Variants in SDHA observed in about 807,000 individuals in gnomAD.
SDHA encodes succinate dehydrogenase complex flavoprotein subunit A, also known as succinate dehydrogenase [ubiquinone] flavoprotein subunit, mitochondrial.
A neutral mutation model predicts 78.4 loss-of-function variants in SDHA; 48 were observed. The ratio of observed to expected loss-of-function variants is 0.61; its 90% CI spans 0.49 to 0.78. The LOEUF is 0.78. Ranked by LOEUF, SDHA falls within the 30% of genes least tolerant of loss-of-function variation. The pLI, the probability that SDHA is intolerant of heterozygous loss-of-function variation, is 0.00. For missense variants in SDHA, 680 were observed against 892.7 expected (o/e 0.76, Z 3.04); for synonymous variants, 326 against 353.9 (o/e 0.92, Z 0.88).
In SDHA at chr5:232,245, C is replaced by G. The variant is rs553847856; in HGVS notation, c.896-1232C>G. Among the ~76,000 whole-genome samples the G allele has an allele frequency of 9.5e-4, 145 of 152,138 alleles. 1 individual carries two copies. The highest frequency in any genetic ancestry group is 3.4e-3 in the African/African-American group (140 of 41,510). ...ATTTGTTTCGAGATGGGGTCTTGCTCTGTTGCTCAGGCTGGAGTGCAGTGG... is the reference window on the plus strand; with the variant it reads ...ATTTGTTTCGAGATGGGGTCTTGCTGTGTTGCTCAGGCTGGAGTGCAGTGG... On this transcript the variant is annotated intron_variant, in intron 7 of 14. Transcript: ENST00000264932.
chr5:238,786 C>T (rs182797166), intron 10 of SDHA, among the ~76,000 whole-genome samples: 1 of 152,154 alleles, frequency 6.6e-6, no homozygotes, highest in Non-Finnish European at 1.5e-5. Flanking sequence ...TGGTGAAACC[C>T]CGTCTCTACC....
intron 3 of SDHA, among the ~76,000 whole-genome samples, 194 bp from the exon 4 acceptor site, chr5:225,225 C>T (rs1734936994): frequency 1.3e-5 from 2 of 152,252 alleles, no homozygotes; most frequent in South Asian, 2.1e-4. Flanking sequence ...GATGGAATCA[C>T]TGGGCGAGTC....
At chr5:235,654 G>A in intron 9 of SDHA, 3 of 394,022 alleles carry the variant, frequency 7.6e-6, no homozygotes, top group African/African-American at 2.1e-5. Context: ...ATTCCTTTGA[G>A]TGGTTTGTGG....
downstream of SDHA, among the ~76,000 whole-genome samples, chr5:259,950 G>A (rs535924175): frequency 0.4 from 3,226 of 8,146 alleles, 176 homozygotes; most frequent in East Asian, 0.53. Flanking sequence ...TCCGCCTCCC[G>A]CCAGAGCATT....
At chr5:231,695 G>A (rs373533566) in intron 7 of SDHA, among the ~76,000 whole-genome samples, 31 of 152,250 alleles carry the variant, frequency 2.0e-4, no homozygotes, top group African/African-American at 6.5e-4. Context: ...GGTCTCCACC[G>A]GGGTTTACTG....
Position 235,575 on chromosome 5 carries a change from G to A in SDHA, c.1260+236G>A, listed in dbSNP as rs575584141. On this transcript the variant is annotated intron_variant, in intron 9 of 14. Transcript: ENST00000264932. ...CATCATTTGCAGCTTTTTCCATTTT[G>A]TAATTACTTTCCTATATGATCTTGT... 1.0e-4 allele frequency: 60 copies of A among 572,498 alleles called. No individual in the cohort carries two copies. The South Asian group carries it at 1.2e-3, about 11-fold the overall frequency. The allele number at this position is 572,498 out of a possible 1,614,324, so 35.5% of individuals were successfully genotyped here.
intron 4 of SDHA, 148 bp downstream of exon 4, chr5:225,710 A>G: frequency 3.7e-6 from 5 of 1,344,032 alleles, no homozygotes; most frequent in Non-Finnish European, 5.3e-6. Context: ...TCCGTTATGA[A>G]CTATGCATTA....
At chr5:222,700 G>A (rs1734789128) in intron 1 of SDHA, among the ~76,000 whole-genome samples, 1 of 152,190 alleles carries the variant, frequency 6.6e-6, no homozygotes, top group African/African-American at 2.4e-5. Context: ...AATGTAGCCA[G>A]CAGAATGGAA....
At chr5:224,061 C>T (rs1410589825) in intron 2 of SDHA, among the ~76,000 whole-genome samples, 2 of 152,182 alleles carry the variant, frequency 1.3e-5, no homozygotes, top group Non-Finnish European at 2.9e-5. Context: ...CTGAATACTC[C>T]TTGGCACCTT....
At chr5:261,839 T>A (rs1338568740), downstream of SDHA, among the ~76,000 whole-genome samples, 7 of 7,282 alleles carry the variant, frequency 9.6e-4, 3 homozygotes, top group African/African-American at 5.3e-3. Flanking sequence ...CGCCCTCCCG[T>A]CAGAGCATTA....
chr5:255,367 T>C (rs1250569506), intron 14 of SDHA, among the ~76,000 whole-genome samples: 1 of 152,000 alleles, frequency 6.6e-6, no homozygotes, highest in Non-Finnish European at 1.5e-5. Context: ...GGACTTCTCA[T>C]GAAGGCCATT....
At chr5:264,815 A>G in the SDHA span, among the ~76,000 whole-genome samples, 1 of 152,250 alleles carries the variant, frequency 6.6e-6, no homozygotes, top group Non-Finnish European at 1.5e-5. Context: ...CCTAAATTTC[A>G]ATCAATCATC....
chr5:245,379 G>A (rs1274453515), intron 11 of SDHA, among the ~76,000 whole-genome samples: 4 of 152,118 alleles, frequency 2.6e-5, no homozygotes, highest in African/African-American at 9.7e-5. Flanking sequence ...ACTGTGAACG[G>A]TTTGCATTTA....
intron 7 of SDHA, among the ~76,000 whole-genome samples, chr5:232,411 G>C (rs2126573745): frequency 6.6e-6 from 1 of 152,260 alleles, no homozygotes; most frequent in Non-Finnish European, 1.5e-5. Flanking sequence ...GGTAGAGACG[G>C]GATGTCACCG....
At position 236,580 on chromosome 5, in the gene SDHA, C is replaced by G. The variant is rs34779890; in HGVS notation, c.1413C>G (p.Ile471Met). 6.2e-7 allele frequency: 1 copy of G among 1,614,000 alleles called. No homozygotes were observed. Among genetic ancestry groups the G allele is most frequent in the South Asian group, 1.1e-5 (1 of 91,080 alleles). Residue 471 changes from isoleucine (I) to methionine (M), a missense_variant, in exon 10 of 15, where the codon ATC becomes ATG. Transcript: ENST00000264932. ...VVFGRACALS[I>M]EESCRPGDKV... ...TTGGTCGGGCATGTGCCCTGAGCATCGAAGAGTCATGCAGGCCTGGTAAGT... is the reference window on the plus strand; with the variant it reads ...TTGGTCGGGCATGTGCCCTGAGCATGGAAGAGTCATGCAGGCCTGGTAAGT...
intron 10 of SDHA, among the ~76,000 whole-genome samples, chr5:236,831 T>C (rs1205937834): frequency 6.6e-6 from 1 of 151,804 alleles, no homozygotes; most frequent in Non-Finnish European, 1.5e-5. Flanking sequence ...AAAATTTATT[T>C]TGTAGAGACA....
intron 6 of SDHA, among the ~76,000 whole-genome samples, chr5:228,787 T>C (rs1160120249): frequency 3.3e-5 from 5 of 152,114 alleles, no homozygotes; most frequent in Admixed American, 3.3e-4. Flanking sequence ...AGTTAAAAAG[T>C]GTCAGTACAG....
the SDHA span, among the ~76,000 whole-genome samples, chr5:268,520 G>T: frequency 6.6e-6 from 1 of 152,070 alleles, no homozygotes; most frequent in Non-Finnish European, 1.5e-5. Context: ...CCTTTCAAGA[G>T]TCAGCCTTGC....
downstream of SDHA, among the ~76,000 whole-genome samples, chr5:258,203 C>A (rs1341998051): frequency 3.9e-5 from 5 of 127,554 alleles, 1 homozygote; most frequent in Non-Finnish European, 7.9e-5. Context: ...GAGCTCCACC[C>A]CCTGCCAGAG....
Sources: gnomAD v4.1 joint callset for allele counts (sites outside exome capture counted in the v4.1 genomes callset) on GRCh38, gnomAD v4.1.1 for gene constraint, MANE v1.5 for transcripts, NCBI Gene and HGNC (gene_info 2026-07-23, HGNC 2026-07-21) for gene names.